PLPP4: variants seen among roughly 807,000 people sequenced by gnomAD.
PLPP4 encodes the protein diacylglycerol pyrophosphate like 2.
PLPP4 carries 20 observed loss-of-function variants against 32.2 expected under a neutral mutation model. The ratio of observed to expected loss-of-function variants is 0.62; its 90% CI spans 0.44 to 0.90. The LOEUF (loss-of-function observed/expected upper bound fraction) is 0.90. PLPP4 is among the 40% of genes least tolerant of loss of function. The probability of loss-of-function intolerance (pLI) is 0.00; values close to 1 mark genes in which losing one functional copy is unlikely to be tolerated. For missense variants in PLPP4, 257 were observed against 353.1 expected (o/e 0.73, Z 2.18); for synonymous variants, 127 against 133.0 (o/e 0.95, Z 0.31).
intron 1 of PLPP4, among the ~76,000 whole-genome samples, chr10:120,497,424 T>C (rs1354244503): frequency 6.6e-6 from 1 of 152,034 alleles, no homozygotes. Flanking sequence ...AGTGTGTATG[T>C]GTGTGCACAC....
intron 6 of PLPP4, among the ~76,000 whole-genome samples, chr10:120,584,581 T>G (rs191609480): frequency 2.8e-4 from 43 of 152,356 alleles, no homozygotes; most frequent in African/African-American, 9.1e-4. Context: ...AGACTTCTAG[T>G]TGATTTGGGG....
chr10:120,460,514 A>C (rs1353171422), intron 1 of PLPP4, among the ~76,000 whole-genome samples: 1 of 152,180 alleles, frequency 6.6e-6, no homozygotes, highest in Non-Finnish European at 1.5e-5. Flanking sequence ...ATTTACTGAG[A>C]TCTTACTGTG....
chr10:120,524,002 G>A (rs764131809), intron 5 of PLPP4, among the ~76,000 whole-genome samples: 3 of 152,142 alleles, frequency 2.0e-5, no homozygotes, highest in South Asian at 2.1e-4. Flanking sequence ...GCTGGCTTTC[G>A]GCTGCCTTGT....
chr10:120,504,847 G>A (rs1440176780), intron 2 of PLPP4, among the ~76,000 whole-genome samples: 4 of 152,198 alleles, frequency 2.6e-5, no homozygotes, highest in Non-Finnish European at 4.4e-5. Context: ...GTTTTAGCTG[G>A]TCAGTTTTTG....
At chr10:120,566,701 C>T (rs1281386789) in intron 5 of PLPP4, among the ~76,000 whole-genome samples, 5 of 152,048 alleles carry the variant, frequency 3.3e-5, no homozygotes, top group African/African-American at 1.2e-4. Context: ...ATTACAGGTG[C>T]CTGCCACCAC....
chr10:120,492,210 A>T (rs543541004), intron 1 of PLPP4, among the ~76,000 whole-genome samples: 1 of 152,290 alleles, frequency 6.6e-6, no homozygotes, highest in African/African-American at 2.4e-5. Context: ...AGGTTTACGT[A>T]GACCAGGATT....
intron 6 of PLPP4, among the ~76,000 whole-genome samples, chr10:120,585,364 AAGTTT>A (rs1849703781): frequency 6.6e-6 from 1 of 152,152 alleles, no homozygotes; most frequent in African/African-American, 2.4e-5. Flanking sequence ...AGTTCCTTAG[AAGTTT>A]ATTTACGATG....
chr10:120,462,764 CAG>C (rs969184345), intron 1 of PLPP4, among the ~76,000 whole-genome samples: 2 of 147,916 alleles, frequency 1.4e-5, no homozygotes, highest in South Asian at 2.1e-4. Context: ...GCATTTTGAA[CAG>C]GGGCTCCTTC....
intron 5 of PLPP4, among the ~76,000 whole-genome samples, chr10:120,532,716 T>C (rs905275519): frequency 6.6e-6 from 1 of 152,202 alleles, no homozygotes; most frequent in Non-Finnish European, 1.5e-5. Flanking sequence ...TTCATATAAA[T>C]GAAATAATAC....
chr10:120,540,183 GC>G (rs1847272310), intron 5 of PLPP4, among the ~76,000 whole-genome samples: 1 of 152,248 alleles, frequency 6.6e-6, no homozygotes, highest in African/African-American at 2.4e-5. Context: ...TCTGGAGAGA[GC>G]AAGGGAGCCA....
At chr10:120,580,678 C>CACACACACACGA (rs1554899936) in intron 6 of PLPP4, among the ~76,000 whole-genome samples, 1 of 137,902 alleles carries the variant, frequency 7.3e-6, no homozygotes, top group Admixed American at 7.6e-5. Flanking sequence ...CACACACACA[C>CACACACACACGA]ACGGCTGAGG....
intron 6 of PLPP4, among the ~76,000 whole-genome samples, chr10:120,588,897 T>C (rs188878013): frequency 2.8e-4 from 42 of 152,130 alleles, no homozygotes; most frequent in African/African-American, 9.2e-4. Context: ...AATACAAAAA[T>C]TAGCTGAGAG....
At chr10:120,464,657 G>T (rs1391562619) in intron 1 of PLPP4, among the ~76,000 whole-genome samples, 5 of 152,164 alleles carry the variant, frequency 3.3e-5, no homozygotes, top group African/African-American at 1.2e-4. Context: ...CCAGGACATC[G>T]AATTGAAGCG....
chr10:120,506,858 C>T (rs1755033323), intron 2 of PLPP4, among the ~76,000 whole-genome samples: 1 of 152,162 alleles, frequency 6.6e-6, no homozygotes, highest in Admixed American at 6.5e-5. Context: ...CTGTTTGATT[C>T]CAAGAGCTTG....
At chr10:120,558,110 C>T (rs1356364430) in intron 5 of PLPP4, among the ~76,000 whole-genome samples, 1 of 151,314 alleles carries the variant, frequency 6.6e-6, no homozygotes, top group African/African-American at 2.4e-5. Context: ...TTAACTATAC[C>T]CTTAGAAATC....
chr10:120,496,860 TGA>T (rs139413628), intron 1 of PLPP4, among the ~76,000 whole-genome samples: 64 of 143,428 alleles, frequency 4.5e-4, no homozygotes, highest in Non-Finnish European at 5.8e-4. Flanking sequence ...AGCATGGGAG[TGA>T]GAGAGAGAGA....
chr10:120,554,919 C>A (rs1419605268), intron 5 of PLPP4, among the ~76,000 whole-genome samples: 2 of 152,112 alleles, frequency 1.3e-5, no homozygotes. Context: ...GGTGGGAACA[C>A]AAATCCAAAC....
Position 120,522,851 on chromosome 10 carries a change from A to G in PLPP4, c.445+1756A>G, listed in dbSNP as rs544886471. Among the ~76,000 whole-genome samples the G allele has an allele frequency of 2.6e-5, 4 of 152,346 alleles. No individual in the cohort carries two copies. The East Asian group carries it at 7.7e-4, about 29-fold the overall frequency. ...CTGTCGTAATCCTTTCGCTATGTGT[A>G]TTTTTATTTGAAAGAATGAACACTG... On this transcript the variant is annotated intron_variant, in intron 5 of 6. Transcript: ENST00000398250.
intron 6 of PLPP4, among the ~76,000 whole-genome samples, chr10:120,587,014 G>T (rs903099108): frequency 6.6e-6 from 1 of 152,084 alleles, no homozygotes; most frequent in Non-Finnish European, 1.5e-5. Context: ...GACTAGAAAT[G>T]ATATCGAGCC....
Sources: allele counts gnomAD v4.1 joint callset (sites outside exome capture counted in the v4.1 genomes callset), GRCh38; gene constraint gnomAD v4.1.1; transcripts MANE v1.5; gene names NCBI Gene and HGNC (gene_info 2026-07-23, HGNC 2026-07-21).